SNRNP200: variants seen among roughly 807,000 people sequenced by gnomAD.
The protein encoded by SNRNP200 is U5 small nuclear ribonucleoprotein 200 kDa helicase.
Under a neutral mutation model 255.2 loss-of-function variants are expected in SNRNP200, and 66 were observed. That is an observed-to-expected ratio of 0.26 (90% CI 0.21 to 0.32). The LOEUF (loss-of-function observed/expected upper bound fraction) is 0.32. SNRNP200 is among the 10% of genes least tolerant of loss of function. The pLI, the probability that SNRNP200 is intolerant of heterozygous loss-of-function variation, is 1.00. For synonymous variants in SNRNP200, 939 were observed against 1,027.8 expected (o/e 0.91, Z 1.65); for missense variants, 1,585 against 2,749.8 (o/e 0.58, Z 9.47).
At position 96,296,704 on chromosome 2, in the gene SNRNP200, T is replaced by A. The variant is rs1348138604; in HGVS notation, c.1516-13A>T. ...TCTTCCCAGCACCCTACGGGAGAGG[T>A]CAGGGATGAGAACGCCTATTCACCT... On this transcript the variant is annotated splice_polypyrimidine_tract_variant and intron_variant, in intron 12 of 44. Coordinates refer to ENST00000323853, the MANE Select transcript of SNRNP200 (RefSeq NM_014014.5). 1.2e-6 allele frequency: 2 copies of A among 1,613,928 alleles called. No homozygotes were observed. The highest frequency in any genetic ancestry group is 3.3e-4 in the Middle Eastern group (2 of 6,062).
rs1428699522 is a variant in SNRNP200, at chr2:96,275,328, C to A, written c.6196G>T (p.Val2066Leu). ...FPQKREEGWW[V>L]VIGDAKSNSL... ...TTGGACTTGGCATCTCCAATCACCA[C>A]CCACCAGCCCTCTTCACGTTTCTGC... Residue 2066 changes from valine to leucine, a missense_variant, in exon 44 of 45, where the codon GTG (valine) becomes TTG (leucine). By Grantham distance (32) the Val-to-Leu change is conservative (BLOSUM62 1). This residue lies in a region of SNRNP200 where 279 missense variants were observed against 551.2 expected (regional missense o/e 0.51). Coordinates refer to ENST00000323853, the MANE Select transcript of SNRNP200 (RefSeq NM_014014.5). The A allele has an allele frequency of 6.2e-7, 1 of 1,613,490 alleles. No individual in the cohort carries two copies. The highest frequency in any genetic ancestry group is 8.5e-7 in the Non-Finnish European group (1 of 1,180,028).
At position 96,305,541 on chromosome 2, in the gene SNRNP200, C is replaced by T. The variant is rs1174253941; in HGVS notation, c.-104G>A. ...CCGCGCCGGAACGACGCAGGAAAGA[C>T]GCACTGGGGAAGGAAAAGAAACGGG... On this transcript the variant is annotated 5_prime_UTR_variant, in exon 1 of 45. Transcript: ENST00000323853. 8.0e-6 allele frequency: 12 copies of T among 1,494,048 alleles called. No homozygotes were observed. The African/African-American group carries it at 9.6e-5, about 12-fold the overall frequency. 92.5% of individuals were successfully genotyped at this position (1,494,048 alleles called of 1,614,324 possible). A position where few individuals can be genotyped will look rare whatever the true frequency, so the allele number is the denominator to read the frequency against.
In SNRNP200 at chr2:96,293,363, G is replaced by A. The variant is rs772288204; in HGVS notation, c.1989C>T (p.Thr663=). Residue 663 remains threonine (T), a synonymous_variant, in exon 15 of 45, where the codon ACC becomes ACT. Transcript: ENST00000323853. The part of the protein sequence containing the change: ...ATLPNYEDVA[T]FLRVDPAKGL... ...CCTTGGCAGGGTCAACACGTAGAAA[G>A]GTGGCTACATCTTCATAGTTGGGTA... 1.2e-6 allele frequency: 2 copies of A among 1,614,200 alleles called. No individual in the cohort carries two copies. The highest frequency in any genetic ancestry group is 1.7e-6 in the Non-Finnish European group (2 of 1,180,028).
chr2:96,291,996 C>A lies in SNRNP200; in HGVS notation c.2161-96G>T, dbSNP rs1202110624. On this transcript the variant is annotated intron_variant, in intron 16 of 44. Transcript: ENST00000323853. This position sits in a 1 kb window ranked among gnomAD's most constrained non-coding sequence, Gnocchi z 4.2. ...GAAGTTGCACCATCACCACCAGAAG[C>A]CAAGGTCCTGGAGAGGGGCAAGGGC... 1 of 1,405,470 alleles carries A rather than the reference C, an allele frequency of 7.1e-7. No individual in the cohort carries two copies. The highest frequency in any genetic ancestry group is 1.4e-5 in the African/African-American group (1 of 71,054). The allele number at this position is 1,405,470 out of a possible 1,614,324, so 87.1% of individuals were successfully genotyped here.
rs199532718 is a variant in SNRNP200 at position 96,297,594 on chromosome 2, T to TC, written c.1203+42dup. 13,311 of 1,614,224 alleles carry TC rather than the reference T, an allele frequency of 8.2e-3. 85 individuals carry two copies. Among genetic ancestry groups the TC allele is most frequent in the Middle Eastern group, 0.013 (79 of 6,062 alleles). ...GTAAGCAAGCCGAGCAAGTGAGTTT[T>TC]CCATCCATCAAGGCCTGGGAAATAA... On this transcript the variant is annotated intron_variant, in intron 10 of 44. Transcript: ENST00000323853.
At chr2:96,284,733 G>A (rs546316818) in intron 30 of SNRNP200, 148 bp from the exon 31 acceptor site, 13 of 659,524 alleles carry the variant, frequency 2.0e-5, no homozygotes, top group South Asian at 1.7e-4. Context: ...TATGCGATGC[G>A]ATGGGGCAGC....
At position 96,283,912 on chromosome 2, in the gene SNRNP200, G is replaced by A. The variant is rs1434486797; in HGVS notation, c.4485C>T (p.Ser1495=). The change falls in exon 32 of 45, where the codon TCC becomes TCT. Residue 1495 remains serine, a synonymous_variant. Coordinates refer to ENST00000323853, the MANE Select transcript of SNRNP200 (RefSeq NM_014014.5). The surrounding 1 kb of genome is among the most constrained non-coding windows in gnomAD (Gnocchi z 4.7). ...IRIVALSSSL[S]NAKDVAHWLG... ...GCCAGTGGGCCACATCCTTGGCATT[G>A]GAGAGCGAAGAGCTGAGTGCCACAA... 2 of 1,598,048 alleles carry A rather than the reference G, an allele frequency of 1.3e-6. No homozygotes were observed. Among genetic ancestry groups the A allele is most frequent in the Non-Finnish European group, 1.7e-6 (2 of 1,172,304 alleles).
rs1684687889 is a variant in SNRNP200 at position 96,277,497 on chromosome 2, C to G, written c.5931+42G>C. The G allele has an allele frequency of 6.2e-7, 1 of 1,608,824 alleles. No individual in the cohort carries two copies. The highest frequency in any genetic ancestry group is 2.2e-5 in the East Asian group (1 of 44,872). ...CACGCTCGGTCCACAACACTGGGCTCTCAGGCTCACCCACCTGACCCTCTA... is the reference window on the plus strand; with the variant it reads ...CACGCTCGGTCCACAACACTGGGCTGTCAGGCTCACCCACCTGACCCTCTA... On this transcript the variant is annotated intron_variant, in intron 41 of 44. Coordinates refer to ENST00000323853, the MANE Select transcript of SNRNP200 (RefSeq NM_014014.5). The surrounding 1 kb of genome is among the most constrained non-coding windows in gnomAD (Gnocchi z 4.4).
intron 14 of SNRNP200, among the ~76,000 whole-genome samples, chr2:96,294,379 A>G (rs1405155793): frequency 6.6e-6 from 1 of 152,086 alleles, no homozygotes; most frequent in African/African-American, 2.4e-5. Flanking sequence ...CGGAGGCTGT[A>G]GTGAGCTGAG....
chr2:96,279,791 T>C (rs914070194), intron 35 of SNRNP200: 6 of 510,268 alleles, frequency 1.2e-5, no homozygotes, highest in Admixed American at 6.3e-5. Flanking sequence ...TCAAGTGCCA[T>C]GAACCAAGCT....
At position 96,290,830 on chromosome 2, in the gene SNRNP200, C is replaced by T; in HGVS notation, c.2422-15G>A. ...GAAACTAAAACCTACAGAGGCAAAA[C>T]AAGGTAATGAGGAGAACAGATGCCA... On this transcript the variant is annotated splice_polypyrimidine_tract_variant and intron_variant, in intron 18 of 44. Transcript: ENST00000323853. This position sits in a 1 kb window ranked among gnomAD's most constrained non-coding sequence, Gnocchi z 4.5. 1.2e-6 allele frequency: 2 copies of T among 1,614,074 alleles called. No individual in the cohort carries two copies. Among genetic ancestry groups the T allele is most frequent in the East Asian group, 2.2e-5 (1 of 44,880 alleles).
chr2:96,295,786 T>C, intron 13 of SNRNP200, 128 bp from the exon 14 acceptor site: 1 of 916,936 alleles, frequency 1.1e-6, no homozygotes, highest in East Asian at 2.6e-5. Context: ...ACAAGGCGAA[T>C]CAGATCTTAT....
chr2:96,274,730 A>G lies in SNRNP200; in HGVS notation c.*282T>C. The G allele has an allele frequency of 2.1e-6, 1 of 480,398 alleles. No homozygotes were observed. The highest frequency in any genetic ancestry group is 2.1e-5 in the South Asian group (1 of 46,862). 29.8% of individuals were successfully genotyped at this position (480,398 alleles called of 1,614,324 possible). A position where few individuals can be genotyped will look rare whatever the true frequency, so the allele number is the denominator to read the frequency against. ...TAATTTGGAATCACTACAAAGACAA[A>G]TGGTTTCTACAAATTATTTTATTAG... On this transcript the variant is annotated 3_prime_UTR_variant, in exon 45 of 45. Transcript: ENST00000323853.
chr2:96,304,213 A>G (rs988767130), intron 2 of SNRNP200, among the ~76,000 whole-genome samples: 3 of 152,088 alleles, frequency 2.0e-5, no homozygotes, highest in Non-Finnish European at 2.9e-5. Context: ...GATGAGGTAA[A>G]GGTAAGTTTT....
In SNRNP200 at chr2:96,284,342, C is replaced by T. The variant is rs756730183; in HGVS notation, c.4392+16G>A. Reference sequence around the variant, plus strand: ...CAGTCCCAGTCCCTCATCTGTGCTGCAAGGTCACGCCATACCCCATTCTCG... The same window carrying T: ...CAGTCCCAGTCCCTCATCTGTGCTGTAAGGTCACGCCATACCCCATTCTCG... On this transcript the variant is annotated intron_variant, in intron 31 of 44. Coordinates refer to ENST00000323853, the MANE Select transcript of SNRNP200 (RefSeq NM_014014.5). The T allele has an allele frequency of 1.2e-6, 2 of 1,607,006 alleles. No individual in the cohort carries two copies. Among genetic ancestry groups the T allele is most frequent in the Admixed American group, 1.7e-5 (1 of 60,022 alleles).
Position 96,295,535 on chromosome 2 carries a change from T to G in SNRNP200, c.1795A>C (p.Lys599Gln). 6.2e-7 allele frequency: 1 copy of G among 1,613,442 alleles called. No individual in the cohort carries two copies. Among genetic ancestry groups the G allele is most frequent in the Non-Finnish European group, 8.5e-7 (1 of 1,179,898 alleles). Residue 599 changes from lysine to glutamine, a missense_variant, in exon 14 of 45, where the codon AAG (lysine) becomes CAG (glutamine). Physicochemically the swap from Lys to Gln is moderately conservative, Grantham distance 53 (BLOSUM62 1). Transcript: ENST00000323853. ...TPEKWDIITR[K>Q]GGERTYTQLV... ...TGGGTGTAGGTGCGCTCACCACCCTTGCGGGTGATGATGTCCCACTTCTCG... is the reference window on the plus strand; with the variant it reads ...TGGGTGTAGGTGCGCTCACCACCCTGGCGGGTGATGATGTCCCACTTCTCG...
chr2:96,293,034 G>C lies in SNRNP200; in HGVS notation c.2098C>G (p.Arg700Gly). 2 of 1,614,064 alleles carry C rather than the reference G, an allele frequency of 1.2e-6. No homozygotes were observed. The highest frequency in any genetic ancestry group is 1.7e-6 in the Non-Finnish European group (2 of 1,179,950). Residue 700 changes from arginine to glycine, a missense_variant, in exon 16 of 45, where the codon CGT becomes GGT. By Grantham distance (125) the Arg-to-Gly change is moderately radical (BLOSUM62 -2). Around this residue, in one of 9 missense-constraint regions of SNRNP200, gnomAD observed 140 missense variants for 274.9 expected, o/e 0.51. Coordinates refer to ENST00000323853, the MANE Select transcript of SNRNP200 (RefSeq NM_014014.5). ...ACGATTTCATTCATGATCTGGAAAC[G>C]CTTGATAGCTTTTTTCTCTGTGATA... ...VGITEKKAIK[R>G]FQIMNEIVYE...
At chr2:96,305,000 T>A in intron 1 of SNRNP200, 132 bp from the exon 2 acceptor site, 2 of 1,093,592 alleles carry the variant, frequency 1.8e-6, no homozygotes, top group Non-Finnish European at 1.4e-6. Context: ...AAAAATATAT[T>A]TTCCTTAAGA....
At chr2:96,288,574 C>T (rs2063858349) in intron 24 of SNRNP200, 89 bp downstream of exon 24, 3 of 1,149,390 alleles carry the variant, frequency 2.6e-6, no homozygotes, top group South Asian at 1.2e-5. Context: ...TCACTAGGGT[C>T]GGGCCTCCTT....
Sources: allele counts gnomAD v4.1 joint callset (sites outside exome capture counted in the v4.1 genomes callset), GRCh38; gene constraint gnomAD v4.1.1; regional missense constraint gnomAD v4.1.1; non-coding constraint Gnocchi (gnomAD v3.1); transcripts MANE v1.5; gene names NCBI Gene and HGNC (gene_info 2026-07-23, HGNC 2026-07-21).